AFAP1L1: variants seen among roughly 807,000 people sequenced by gnomAD.
AFAP1L1 encodes actin filament-associated protein 1-like 1.
In AFAP1L1, 77 loss-of-function variants were observed where a neutral mutation model predicts 99.8. That is an observed-to-expected ratio of 0.77 (90% confidence interval 0.64 to 0.93). The LOEUF (loss-of-function observed/expected upper bound fraction) is 0.93, where lower values mean the gene tolerates loss of function less well. Ranked by LOEUF, AFAP1L1 falls within the 40% of genes least tolerant of loss-of-function variation. The pLI is 0.00. For missense variants in AFAP1L1, 893 were observed against 996.8 expected, an observed-to-expected ratio of 0.90 and a Z score of 1.40; for synonymous variants, 373 against 395.3, an observed-to-expected ratio of 0.94 and a Z score of 0.67.
At chr5:149,328,558 C>G (rs1401259651) in intron 15 of AFAP1L1, among the ~76,000 whole-genome samples, 3 of 152,192 alleles carry the variant, frequency 2.0e-5, no homozygotes, top group Non-Finnish European at 4.4e-5. Context: ...CCTGTAATCC[C>G]AGCACTTTGG....
rs1369236115 is a variant in AFAP1L1 at position 149,335,712 on chromosome 5, A to T, written c.2273A>T (p.Gln758Leu). 3 of 1,614,132 alleles carry T rather than the reference A, an allele frequency of 1.9e-6. No individual in the cohort carries two copies. Among genetic ancestry groups the T allele is most frequent in the Non-Finnish European group, 2.5e-6 (3 of 1,180,004 alleles). The part of the protein sequence containing the change: ...IVASNQGRVL[Q>L]KAKEWEMKKT ...GCCTCCAACCAAGGAAGGGTGCTAC[A>T]GAAAGCCAAGGTAGAGCCATAGTTC... is the stretch of plus-strand genomic sequence containing the variant. Residue 758 changes from glutamine (Q) to leucine (L), a missense_variant, in exon 18 of 19, where the codon CAG becomes CTG. Gln to Leu is a moderately radical substitution (Grantham distance 113). Coordinates refer to ENST00000296721, the MANE Select transcript of AFAP1L1 (RefSeq NM_152406.4).
chr5:149,302,398 T>A lies in AFAP1L1; in HGVS notation c.328-20T>A. ...CTACCCTGCTCCGCTCCCCTAGCCC[T>A]CTTTTTTGTCCCCTTGCAGGCGGCC... On this transcript the variant is annotated intron_variant, in intron 4 of 18. Coordinates refer to ENST00000296721, the MANE Select transcript of AFAP1L1 (RefSeq NM_152406.4). 6.4e-7 allele frequency: 1 copy of A among 1,555,442 alleles called. No individual in the cohort carries two copies. The highest frequency in any genetic ancestry group is 8.7e-7 in the Non-Finnish European group (1 of 1,148,410).
chr5:149,326,825 C>T (rs939842269), intron 15 of AFAP1L1, among the ~76,000 whole-genome samples: 6 of 152,222 alleles, frequency 3.9e-5, no homozygotes, highest in East Asian at 3.9e-4. Context: ...CCTGCTAATA[C>T]GCTGTCACCC....
Position 149,319,656 on chromosome 5 carries a change from G to A in AFAP1L1, c.1554G>A (p.Glu518=). The A allele has an allele frequency of 3.1e-6, 5 of 1,612,932 alleles. No homozygotes were observed. Among genetic ancestry groups the A allele is most frequent in the Non-Finnish European group, 4.2e-6 (5 of 1,180,016 alleles). Residue 518 remains glutamate (E), a synonymous_variant, in exon 13 of 19, where the codon GAG becomes GAA. Transcript: ENST00000296721. Reference sequence around the variant, plus strand: ...AGATGGGCTCCAGAGTCACTCCGGAGGCGCTGCACTATGACTACGTGGATG... The same window carrying A: ...AGATGGGCTCCAGAGTCACTCCGGAAGCGCTGCACTATGACTACGTGGATG... ...LVEMGSRVTP[E]ALHYDYVDVE...
intron 1 of AFAP1L1, among the ~76,000 whole-genome samples, chr5:149,299,066 G>A (rs1303203317): frequency 6.6e-6 from 1 of 152,242 alleles, no homozygotes; most frequent in Non-Finnish European, 1.5e-5. Flanking sequence ...GATGGGACAG[G>A]AAGGCTCTCT....
rs1189269813 is a variant in AFAP1L1 at position 149,299,621 on chromosome 5, C to A, written c.129C>A (p.Ser43Arg). The A allele has an allele frequency of 6.2e-7, 1 of 1,614,186 alleles. No homozygotes were observed. The highest frequency in any genetic ancestry group is 8.5e-7 in the Non-Finnish European group (1 of 1,180,020). ...KKMAVASILQ[S>R]LQPLPAKEVS... ...TGGCCGTGGCCTCCATCCTGCAGAG[C>A]CTGCAGCCCCTTCCAGGTTAGCCGC... The change falls in exon 2 of 19, where the codon AGC becomes AGA. Residue 43 changes from serine (S) to arginine (R), a missense_variant. Physicochemically the swap from Ser to Arg is moderately radical, Grantham distance 110 (BLOSUM62 -1). Coordinates refer to ENST00000296721, the MANE Select transcript of AFAP1L1 (RefSeq NM_152406.4).
At chr5:149,311,012 G>A (rs1352243966) in intron 8 of AFAP1L1, among the ~76,000 whole-genome samples, 1 of 152,178 alleles carries the variant, frequency 6.6e-6, no homozygotes, top group Non-Finnish European at 1.5e-5. Flanking sequence ...GGCAGTGAGT[G>A]TGTGGTAACT....
At chr5:149,327,991 C>T (rs1217590367) in intron 15 of AFAP1L1, among the ~76,000 whole-genome samples, 1 of 152,130 alleles carries the variant, frequency 6.6e-6, no homozygotes, top group African/African-American at 2.4e-5. Flanking sequence ...ACAAAAGAGA[C>T]ATCATGGTAA....
chr5:149,314,146 G>C (rs1756724410), intron 9 of AFAP1L1, among the ~76,000 whole-genome samples: 1 of 152,212 alleles, frequency 6.6e-6, no homozygotes, highest in Non-Finnish European at 1.5e-5. Context: ...TATGGGATGA[G>C]GCAGAGTCAC....
chr5:149,316,013 A>G, intron 10 of AFAP1L1, 99 bp downstream of exon 10: 1 of 1,583,846 alleles, frequency 6.3e-7, no homozygotes. Context: ...CATTCTGTAG[A>G]CCTGGGTAAG....
chr5:149,286,181 T>C (rs1413788758), intron 1 of AFAP1L1, among the ~76,000 whole-genome samples: 1 of 152,168 alleles, frequency 6.6e-6, no homozygotes, highest in African/African-American at 2.4e-5. Context: ...CAGCTTGGCA[T>C]GCATCAGGGA....
At chr5:149,331,609 G>T (rs1232686030) in intron 16 of AFAP1L1, among the ~76,000 whole-genome samples, 1 of 150,398 alleles carries the variant, frequency 6.6e-6, no homozygotes, top group Non-Finnish European at 1.5e-5. Context: ...GACAGAGCGA[G>T]ACTCCGTCTC....
chr5:149,322,246 CTG>C (rs1474191082), intron 14 of AFAP1L1, among the ~76,000 whole-genome samples: 2 of 152,146 alleles, frequency 1.3e-5, no homozygotes, highest in African/African-American at 4.8e-5. Context: ...TGAGGGAAGA[CTG>C]TTTTCTTTTT....
At chr5:149,334,359 A>C (rs1757343983) in intron 17 of AFAP1L1, among the ~76,000 whole-genome samples, 1 of 152,168 alleles carries the variant, frequency 6.6e-6, no homozygotes, top group African/African-American at 2.4e-5. Context: ...GCACTAGTTC[A>C]TTCATCCCAG....
At chr5:149,332,931 C>T in intron 17 of AFAP1L1, 58 bp downstream of exon 17, 3 of 1,454,134 alleles carry the variant, frequency 2.1e-6, no homozygotes, top group Non-Finnish European at 2.7e-6. Context: ...CCACTCACTA[C>T]AGATCTCTTC....
rs779141585 is a variant in AFAP1L1, at chr5:149,312,194, A to G, written c.1010A>G (p.Asp337Gly). The change falls in exon 9 of 19, where the codon GAC becomes GGC. Residue 337 changes from aspartate (D) to glycine (G), a missense_variant. Coordinates refer to ENST00000296721, the MANE Select transcript of AFAP1L1 (RefSeq NM_152406.4). The part of the protein sequence containing the change: ...PRSPVLLCKL[D>G]LDKRLSQEKQ... The stretch of plus-strand genomic sequence containing the variant: ...TCCCCAGTCCTCCTGTGCAAGTTGG[A>G]CCTGGACAAGGTATATCTGTCTCCA... 4 of 1,613,946 alleles carry G rather than the reference A, an allele frequency of 2.5e-6. No homozygotes were observed. Among genetic ancestry groups the G allele is most frequent in the African/African-American group, 2.7e-5 (2 of 74,894 alleles).
chr5:149,275,449 TTCTTCTTCTTCCTCTTCC>T (rs1432442145), intron 1 of AFAP1L1, among the ~76,000 whole-genome samples: 16 of 150,250 alleles, frequency 1.1e-4, no homozygotes, highest in Non-Finnish European at 3.0e-5. Context: ...GTGTTTCTTC[TTCTTCTTCTTCCTCTTCC>T]TCTTCTTCTT....
At chr5:149,272,824 TC>T (rs1265701437) in intron 1 of AFAP1L1, among the ~76,000 whole-genome samples, 1 of 152,050 alleles carries the variant, frequency 6.6e-6, no homozygotes, top group Non-Finnish European at 1.5e-5. Flanking sequence ...TACCTCAGCC[TC>T]CCGAATAGCT....
intron 1 of AFAP1L1, among the ~76,000 whole-genome samples, chr5:149,292,936 A>G (rs1298276475): frequency 1.3e-5 from 2 of 152,078 alleles, no homozygotes; most frequent in Non-Finnish European, 2.9e-5. Context: ...TTGTCTCCTC[A>G]CCTTGCTTGG....
Sources: allele counts gnomAD v4.1 joint callset (sites outside exome capture counted in the v4.1 genomes callset), GRCh38; gene constraint gnomAD v4.1.1; transcripts MANE v1.5; gene names NCBI Gene and HGNC (gene_info 2026-07-23, HGNC 2026-07-21).